VPS8: variants seen among roughly 807,000 people sequenced by gnomAD.
VPS8 encodes VPS8 subunit of CORVET complex.
Under a neutral mutation model 216.4 loss-of-function variants are expected in VPS8, and 129 were observed. The ratio of observed to expected loss-of-function variants is 0.60; its 90% confidence interval spans 0.52 to 0.69. The LOEUF (loss-of-function observed/expected upper bound fraction) is 0.69, where lower values mean the gene tolerates loss of function less well. Ranked by LOEUF, VPS8 falls within the 30% of genes least tolerant of loss-of-function variation. The probability of loss-of-function intolerance (pLI) is 0.00; values close to 1 mark genes in which losing one functional copy is unlikely to be tolerated. For missense variants in VPS8, 1,531 were observed against 1,683.5 expected (o/e 0.91, Z 1.59); for synonymous variants, 571 against 565.4 (o/e 1.01, Z -0.14).
chr3:184,929,522 C>A, intron 32 of VPS8, 58 bp from the exon 33 acceptor site: 3 of 993,484 alleles, frequency 3.0e-6, no homozygotes, highest in Non-Finnish European at 4.6e-6. Context: ...TGTGCCAGAG[C>A]AAATGTCTCA....
intron 24 of VPS8, 65 bp downstream of exon 24, chr3:184,898,719 C>T: frequency 8.2e-7 from 1 of 1,221,852 alleles, no homozygotes; most frequent in Non-Finnish European, 1.1e-6. Flanking sequence ...TCCTATTCTC[C>T]ATTTGCTTTT....
chr3:184,964,407 G>T, intron 37 of VPS8, 61 bp from the exon 38 acceptor site: 2 of 1,063,982 alleles, frequency 1.9e-6, no homozygotes, highest in Non-Finnish European at 2.6e-6. Flanking sequence ...TCCTCAATGG[G>T]ATCTTCCCAC....
chr3:184,934,851 T>C (rs751347055), intron 34 of VPS8, among the ~76,000 whole-genome samples: 77 of 152,234 alleles, frequency 5.1e-4, no homozygotes, highest in Admixed American at 9.2e-4. Context: ...AAAATGTTAC[T>C]AGCCTCTTAC....
At chr3:184,867,372 A>C (rs988056104) in intron 17 of VPS8, among the ~76,000 whole-genome samples, 1 of 152,202 alleles carries the variant, frequency 6.6e-6, no homozygotes, top group Non-Finnish European at 1.5e-5. Flanking sequence ...CTGTACCTCA[A>C]TTTATCTCAG....
intron 3 of VPS8, among the ~76,000 whole-genome samples, chr3:184,828,378 A>G (rs914781243): frequency 2.0e-5 from 3 of 152,096 alleles, no homozygotes; most frequent in African/African-American, 7.2e-5. Flanking sequence ...ACCTCAAGTG[A>G]TCTGCGGGCC....
At chr3:185,048,632 G>T (rs1410903833) in intron 47 of VPS8, 73 bp downstream of exon 47, 8 of 1,536,274 alleles carry the variant, frequency 5.2e-6, no homozygotes, top group African/African-American at 1.4e-5. Context: ...GCAGTGTCTT[G>T]GAACCTCCCT....
chr3:185,045,987 A>G (rs1184694072), intron 46 of VPS8, among the ~76,000 whole-genome samples: 1 of 152,152 alleles, frequency 6.6e-6, no homozygotes, highest in Non-Finnish European at 1.5e-5. Context: ...TGAGTACTAC[A>G]AGGTCATTTC....
At chr3:185,044,661 C>T (rs928431094) in intron 46 of VPS8, among the ~76,000 whole-genome samples, 5 of 152,142 alleles carry the variant, frequency 3.3e-5, no homozygotes, top group South Asian at 2.1e-4. Flanking sequence ...CTCAAGCACT[C>T]GCCTCCCTTA....
rs576543107 is a variant in VPS8 at position 185,033,074 on chromosome 3, A to G, written c.4056+8685A>G. Among the ~76,000 whole-genome samples the G allele has an allele frequency of 3.3e-5, 5 of 152,238 alleles. No individual in the cohort carries two copies. In the South Asian group the frequency reaches 8.3e-4, roughly 25 times the overall value. On this transcript the variant is annotated intron_variant, in intron 46 of 47. Transcript: ENST00000625842. ...CCTCCCCACCCCCACAGTTGCCCCT[A>G]TTATTAACATCTTGCATCTATGGGA...
At chr3:185,041,031 T>C (rs1711514786) in intron 46 of VPS8, among the ~76,000 whole-genome samples, 1 of 152,100 alleles carries the variant, frequency 6.6e-6, no homozygotes, top group South Asian at 2.1e-4. Flanking sequence ...GGTGAATCCC[T>C]GTCTCTACTG....
rs200453198 is a variant in VPS8 at position 184,919,863 on chromosome 3, A to G, written c.2383-264A>G. On this transcript the variant is annotated intron_variant, in intron 28 of 47. Transcript: ENST00000625842. ...TGTTATCGCTCTCTTTTTTTTGCTT[A>G]TGGACTTTGCCTTCCTTCCTTTCTC... Among the ~76,000 whole-genome samples, 13 of 151,800 alleles carry G rather than the reference A, an allele frequency of 8.6e-5. No homozygotes were observed. In the East Asian group the frequency reaches 2.3e-3, roughly 27 times the overall value.
At chr3:184,979,266 G>A (rs1749798907) in intron 40 of VPS8, among the ~76,000 whole-genome samples, 1 of 152,154 alleles carries the variant, frequency 6.6e-6, no homozygotes, top group Non-Finnish European at 1.5e-5. Context: ...TGGGAAGAAT[G>A]CATATTCTGT....
intron 45 of VPS8, among the ~76,000 whole-genome samples, chr3:185,022,173 T>G (rs988748829): frequency 1.3e-5 from 2 of 152,180 alleles, no homozygotes; most frequent in African/African-American, 4.8e-5. Flanking sequence ...GCTTGGCACT[T>G]CTCTCTCCTG....
intron 26 of VPS8, among the ~76,000 whole-genome samples, 179 bp from the exon 27 acceptor site, chr3:184,914,802 T>A (rs534879824): frequency 6.6e-6 from 1 of 152,318 alleles, no homozygotes; most frequent in African/African-American, 2.4e-5. Flanking sequence ...CCATATCTGT[T>A]GCCCACATTT....
chr3:184,981,222 T>C (rs1351895903), intron 40 of VPS8, among the ~76,000 whole-genome samples: 1 of 152,092 alleles, frequency 6.6e-6, no homozygotes, highest in Non-Finnish European at 1.5e-5. Context: ...GTAGCAATGC[T>C]CCAGTGGGGG....
chr3:184,886,883 A>G (rs1731376932), intron 22 of VPS8, among the ~76,000 whole-genome samples: 1 of 152,150 alleles, frequency 6.6e-6, no homozygotes, highest in Non-Finnish European at 1.5e-5. Flanking sequence ...CTGGCCTGGT[A>G]TATATGCTTT....
chr3:184,981,226 G>A (rs939754002), intron 40 of VPS8, among the ~76,000 whole-genome samples: 8 of 152,258 alleles, frequency 5.3e-5, no homozygotes, highest in African/African-American at 1.7e-4. Flanking sequence ...CAATGCTCCA[G>A]TGGGGGCTGC....
chr3:184,979,891 G>A (rs528433083), intron 40 of VPS8, among the ~76,000 whole-genome samples: 54 of 152,302 alleles, frequency 3.5e-4, no homozygotes, highest in Non-Finnish European at 6.0e-4. Context: ...GCTTTATGGC[G>A]TCAGTGGTCT....
At chr3:184,860,564 G>A (rs1007290617) in intron 15 of VPS8, among the ~76,000 whole-genome samples, 1 of 151,482 alleles carries the variant, frequency 6.6e-6, no homozygotes, top group African/African-American at 2.4e-5. Flanking sequence ...ACAAATTATT[G>A]CCTTTCAGTC....
Sources: allele counts gnomAD v4.1 joint callset (sites outside exome capture counted in the v4.1 genomes callset), GRCh38; gene constraint gnomAD v4.1.1; transcripts MANE v1.5; gene names NCBI Gene and HGNC (gene_info 2026-07-23, HGNC 2026-07-21).